LRP1: variants seen among roughly 807,000 people sequenced by gnomAD.
The protein encoded by LRP1 is LDL receptor related protein 1.
Under a neutral mutation model 541.5 loss-of-function variants are expected in LRP1, and 51 were observed. The ratio of observed to expected loss-of-function variants is 0.09; its 90% confidence interval spans 0.08 to 0.12. LRP1 has a LOEUF of 0.12. Among genes scored for constraint, LRP1 ranks in the 10% least tolerant of loss-of-function variants. The pLI is 1.00. For missense variants in LRP1, 3,878 were observed against 6,376.2 expected, an observed-to-expected ratio of 0.61 and a Z score of 13.34; for synonymous variants, 2,219 against 2,470.8, an observed-to-expected ratio of 0.90 and a Z score of 3.02.
At chr12:57,161,136 G>T in intron 13 of LRP1, 21 bp downstream of exon 13, 1 of 1,607,060 alleles carries the variant, frequency 6.2e-7, no homozygotes, top group Non-Finnish European at 8.5e-7. Context: ...ATGTGCCTGT[G>T]TGGGGGAATC....
Position 57,198,573 on chromosome 12 carries a change from C to A in LRP1, c.9579C>A (p.Gly3193=). The change falls in exon 60 of 89, where the codon GGC becomes GGA. Residue 3193 remains glycine (G), a synonymous_variant. Transcript: ENST00000243077. ...IVDTKITWPN[G]LTLDYVTERI... ...ACACCAAGATCACATGGCCCAATGG[C>A]CTGACGCTGGACTATGTCACTGAGC... 1.1e-5 allele frequency: 17 copies of A among 1,613,942 alleles called. No individual in the cohort carries two copies. Among genetic ancestry groups the A allele is most frequent in the Non-Finnish European group, 1.4e-5 (17 of 1,179,982 alleles).
At chr12:57,182,516 TAA>T (rs530599434) in intron 34 of LRP1, among the ~76,000 whole-genome samples, 53 of 113,726 alleles carry the variant, frequency 4.7e-4, no homozygotes, top group Admixed American at 6.3e-4. Context: ...CCATCTCAAT[TAA>T]AAAAAAAAAA....
Position 57,158,884 on chromosome 12 carries a change from T to A in LRP1, c.1798+246T>A, listed in dbSNP as rs1013808906. Among the ~76,000 whole-genome samples the A allele has an allele frequency of 6.6e-6, 1 of 152,048 alleles. No individual in the cohort carries two copies. Among genetic ancestry groups the A allele is most frequent in the Admixed American group, 6.5e-5 (1 of 15,274 alleles). On this transcript the variant is annotated intron_variant, in intron 11 of 88. Coordinates refer to ENST00000243077, the MANE Select transcript of LRP1 (RefSeq NM_002332.3). The surrounding 1 kb of genome is among the most constrained non-coding windows in gnomAD (Gnocchi z 5.3). Reference sequence around the variant, plus strand: ...TGCCAGCCCTTGGGAAAACTCAGGGTCTGTCTGCATTGGCTTAGAGCCCTG... The same window carrying A: ...TGCCAGCCCTTGGGAAAACTCAGGGACTGTCTGCATTGGCTTAGAGCCCTG...
intron 1 of LRP1, among the ~76,000 whole-genome samples, chr12:57,131,242 C>G (rs1364956236): frequency 3.9e-5 from 6 of 152,200 alleles, no homozygotes. Context: ...CTTCTGCTTT[C>G]TCTTCTATGC....
At chr12:57,142,793 G>A (rs749212417) in intron 3 of LRP1, among the ~76,000 whole-genome samples, 53 of 152,302 alleles carry the variant, frequency 3.5e-4, no homozygotes, top group Non-Finnish European at 4.4e-4. Flanking sequence ...TGGGCAGGCA[G>A]CATGAATGGC....
rs1356215740 is a variant in LRP1 at position 57,193,959 on chromosome 12, G to A, written c.7865G>A (p.Ser2622Asn). 1.9e-6 allele frequency: 3 copies of A among 1,614,102 alleles called. No individual in the cohort carries two copies. Among genetic ancestry groups the A allele is most frequent in the African/African-American group, 1.3e-5 (1 of 74,942 alleles). Residue 2622 changes from serine (S) to asparagine (N), a missense_variant, in exon 48 of 89, where the codon AGC (serine) becomes AAC (asparagine). Ser to Asn is a conservative substitution (Grantham distance 46). Coordinates refer to ENST00000243077, the MANE Select transcript of LRP1 (RefSeq NM_002332.3). ...CRDGTCIGNS[S>N]RCNQFVDCED... ...GACGGGACCTGCATCGGGAACTCCA[G>A]CCGCTGCAACCAGTTTGTGGATTGT...
rs1309269819 is a variant in LRP1, at chr12:57,212,806, C to A, written c.*251C>A. 1.1e-5 allele frequency: 5 copies of A among 473,060 alleles called. No individual in the cohort carries two copies. The highest frequency in any genetic ancestry group is 1.5e-5 in the Non-Finnish European group (4 of 266,632). 29.3% of individuals were successfully genotyped at this position (473,060 alleles called of 1,614,324 possible). On this transcript the variant is annotated 3_prime_UTR_variant, in exon 89 of 89. Transcript: ENST00000243077. This position sits in a 1 kb window ranked among gnomAD's most constrained non-coding sequence, Gnocchi z 5.0. ...GGAGACAGGCAGGGAGGGCTTGGGG[C>A]TGCACCTCCTACCCTCCCACCAGAA...
chr12:57,194,692 C>T lies in LRP1; in HGVS notation c.8184C>T (p.Thr2728=), dbSNP rs2036490679. 1.3e-6 allele frequency: 2 copies of T among 1,563,824 alleles called. No homozygotes were observed. The highest frequency in any genetic ancestry group is 2.7e-5 in the African/African-American group (2 of 73,800). Residue 2728 remains threonine (T), a synonymous_variant, in exon 50 of 89, where the codon ACC becomes ACT. Coordinates refer to ENST00000243077, the MANE Select transcript of LRP1 (RefSeq NM_002332.3). ...EDDCEHGEDE[T]HCNKFCSEAQ... ...ACTGTGAACATGGCGAGGACGAGAC[C>T]CACTGCAGTGAGTGACCACTGCACC...
rs1433756496 is a variant in LRP1, at chr12:57,197,192, G to A, written c.9076+27G>A. The A allele has an allele frequency of 6.2e-7, 1 of 1,613,880 alleles. No individual in the cohort carries two copies. Among genetic ancestry groups the A allele is most frequent in the Admixed American group, 1.7e-5 (1 of 60,028 alleles). The stretch of plus-strand genomic sequence containing the variant: ...TGAGATGCGCGCTTGGAGGGCATGA[G>A]GTGACCCAGGCTGTGTGGGACTGCC... On this transcript the variant is annotated intron_variant, in intron 56 of 88. Transcript: ENST00000243077. The surrounding 1 kb of genome is among the most constrained non-coding windows in gnomAD (Gnocchi z 4.5).
chr12:57,211,667 C>G lies in LRP1; in HGVS notation c.13193+79C>G. 6.3e-7 allele frequency: 1 copy of G among 1,583,366 alleles called. No homozygotes were observed. The highest frequency in any genetic ancestry group is 1.1e-5 in the South Asian group (1 of 90,182). On this transcript the variant is annotated intron_variant, in intron 85 of 88. Transcript: ENST00000243077. This position sits in a 1 kb window ranked among gnomAD's most constrained non-coding sequence, Gnocchi z 4.3. Reference sequence around the variant, plus strand: ...TTTGAGCAGGAGGACCGTCAGGCCTCAGTGCCCACCCCCCGCCCTGTTTTC... The same window carrying G: ...TTTGAGCAGGAGGACCGTCAGGCCTGAGTGCCCACCCCCCGCCCTGTTTTC...
chr12:57,161,931 T>G (rs1445800206), intron 13 of LRP1, among the ~76,000 whole-genome samples: 3 of 152,074 alleles, frequency 2.0e-5, no homozygotes, highest in East Asian at 3.9e-4. Context: ...TGGTAAATGT[T>G]GAAGAAATGA....
chr12:57,168,429 G>A (rs2035881171), intron 19 of LRP1, among the ~76,000 whole-genome samples: 1 of 152,194 alleles, frequency 6.6e-6, no homozygotes, highest in Non-Finnish European at 1.5e-5. Context: ...GAGCCTCTGA[G>A]GAAAGGAGAT....
rs538254816 is a variant in LRP1 at position 57,179,092 on chromosome 12, G to A, written c.4738+71G>A. On this transcript the variant is annotated intron_variant, in intron 28 of 88. Transcript: ENST00000243077. This position sits in a 1 kb window ranked among gnomAD's most constrained non-coding sequence, Gnocchi z 6.8. Reference sequence around the variant, plus strand: ...GGAAGGCCGCAGGCCCCAGGATCCCGGTTGTCAGCTAAGGCAGAGTCCCAG... The same window carrying A: ...GGAAGGCCGCAGGCCCCAGGATCCCAGTTGTCAGCTAAGGCAGAGTCCCAG... 1.5e-4 allele frequency: 227 copies of A among 1,558,098 alleles called. No individual in the cohort carries two copies. In the African/African-American group the frequency reaches 2.0e-3, roughly 14 times the overall value.
Position 57,183,574 on chromosome 12 carries a change from G to A in LRP1, c.5794+64G>A. ...AGGAGCTTTAGGGGTGGTGTGGTGTGCCCTGAGGGTCCAGTGAGAGGCTGC... is the reference window on the plus strand; with the variant it reads ...AGGAGCTTTAGGGGTGGTGTGGTGTACCCTGAGGGTCCAGTGAGAGGCTGC... On this transcript the variant is annotated intron_variant, in intron 35 of 88. Coordinates refer to ENST00000243077, the MANE Select transcript of LRP1 (RefSeq NM_002332.3). The surrounding 1 kb of genome is among the most constrained non-coding windows in gnomAD (Gnocchi z 6.1). 2.6e-6 allele frequency: 4 copies of A among 1,559,668 alleles called. No individual in the cohort carries two copies. In the South Asian group the frequency reaches 4.7e-5, roughly 18 times the overall value.
At chr12:57,174,131 G>A in intron 22 of LRP1, 151 bp downstream of exon 22, 2 of 760,778 alleles carry the variant, frequency 2.6e-6, no homozygotes, top group Non-Finnish European at 4.4e-6. Context: ...CAGCCTGTGT[G>A]GACCTGGCGC....
At chr12:57,169,034 G>C (rs1273772039) in intron 19 of LRP1, 106 bp from the exon 20 acceptor site, 1 of 922,590 alleles carries the variant, frequency 1.1e-6, no homozygotes, top group Admixed American at 2.1e-5. Context: ...GGGGGGGTTA[G>C]GGTGGGCTGA....
At position 57,149,910 on chromosome 12, in the gene LRP1, T is replaced by C. The variant is rs114568750; in HGVS notation, c.842-4298T>C. The C allele has an allele frequency of 1.3e-3, 812 of 620,910 alleles. 3 individuals are homozygous for C. In the African/African-American group the frequency reaches 0.014, roughly 10 times the overall value. 38.5% of individuals were successfully genotyped at this position (620,910 alleles called of 1,614,324 possible). A position where few individuals can be genotyped will look rare whatever the true frequency, so the allele number is the denominator to read the frequency against. On this transcript the variant is annotated intron_variant, in intron 6 of 88. Transcript: ENST00000243077. ...GCCCAGGCGAGATCCCTGAGTAGGATTACTAGACAGACTGTCCTCTCCCAC... is the reference window on the plus strand; with the variant it reads ...GCCCAGGCGAGATCCCTGAGTAGGACTACTAGACAGACTGTCCTCTCCCAC...
At position 57,204,142 on chromosome 12, in the gene LRP1, G is replaced by T. The variant is rs1016842684; in HGVS notation, c.10952-268G>T. On this transcript the variant is annotated intron_variant, in intron 70 of 88. Transcript: ENST00000243077. This position sits in a 1 kb window ranked among gnomAD's most constrained non-coding sequence, Gnocchi z 5.3. ...GTGCTGTTCCCACGTCCCCGCTGTG[G>T]AACTACACAGCACAGTGCCCTGCCA... 5 of 372,018 alleles carry T rather than the reference G, an allele frequency of 1.3e-5. No individual in the cohort carries two copies. Among genetic ancestry groups the T allele is most frequent in the Non-Finnish European group, 2.4e-5 (5 of 207,002 alleles). 23.0% of individuals were successfully genotyped at this position (372,018 alleles called of 1,614,324 possible).
rs1324668659 is a variant in LRP1 at position 57,159,962 on chromosome 12, A to G, written c.1936A>G (p.Lys646Glu). 1 of 1,614,054 alleles carries G rather than the reference A, an allele frequency of 6.2e-7. No individual in the cohort carries two copies. The highest frequency in any genetic ancestry group is 2.2e-5 in the East Asian group (1 of 44,898). ...AQTRKTLIEG[K>E]MTHPRAIVVD... is the part of the protein sequence containing the mutation. ...GACCCGCAAGACTTTAATCGAGGGC[A>G]AAATGACACACCCCAGGGCTATTGT... Residue 646 changes from lysine to glutamate, a missense_variant, in exon 12 of 89, where the codon AAA becomes GAA. This residue lies in a region of LRP1 where 496 missense variants were observed against 861.0 expected (regional missense o/e 0.58). Transcript: ENST00000243077.
Sources: allele counts gnomAD v4.1 joint callset (sites outside exome capture counted in the v4.1 genomes callset), GRCh38; gene constraint gnomAD v4.1.1; regional missense constraint gnomAD v4.1.1; non-coding constraint Gnocchi (gnomAD v3.1); transcripts MANE v1.5; gene names NCBI Gene and HGNC (gene_info 2026-07-23, HGNC 2026-07-21).